Variants in STK32B observed in about 807,000 individuals in gnomAD.
The protein encoded by STK32B is serine/threonine kinase 32B.
Under a neutral mutation model 52.6 loss-of-function variants are expected in STK32B, and 43 were observed. That is an observed-to-expected ratio of 0.82 (90% confidence interval 0.64 to 1.05). The LOEUF (loss-of-function observed/expected upper bound fraction) is 1.05. STK32B is among the 50% of genes least tolerant of loss of function. The probability of loss-of-function intolerance (pLI) is 0.00; values close to 1 mark genes in which losing one functional copy is unlikely to be tolerated. For missense variants in STK32B, 621 were observed against 534.6 expected (o/e 1.16, Z -1.59); for synonymous variants, 238 against 204.3 (o/e 1.17, Z -1.41).
intron 3 of STK32B, among the ~76,000 whole-genome samples, chr4:5,319,366 A>G (rs1731333856): frequency 6.6e-6 from 1 of 152,286 alleles, no homozygotes; most frequent in East Asian, 1.9e-4. Flanking sequence ...TCTCCTGCCT[A>G]AAGCAAAGGT....
intron 3 of STK32B, among the ~76,000 whole-genome samples, chr4:5,192,799 A>G (rs989091757): frequency 2.0e-5 from 3 of 152,134 alleles, no homozygotes; most frequent in Admixed American, 1.3e-4. Flanking sequence ...TGTTGTCACC[A>G]TGCTGTACAT....
chr4:5,139,961 G>A lies in STK32B; in HGVS notation c.108+1G>A. Reference sequence around the variant, plus strand: ...CATTGGTAAAGGGAGTTTTGGAAAGGTAAGAATATAAATGTCTGGACCACT... The same window carrying A: ...CATTGGTAAAGGGAGTTTTGGAAAGATAAGAATATAAATGTCTGGACCACT... On this transcript the variant is annotated splice_donor_variant, in intron 2 of 11. Coordinates refer to ENST00000282908, the MANE Select transcript of STK32B (RefSeq NM_018401.3). LOFTEE classifies it high-confidence loss of function. The A allele has an allele frequency of 1.9e-6, 3 of 1,614,168 alleles. No homozygotes were observed. Among genetic ancestry groups the A allele is most frequent in the South Asian group, 1.1e-5 (1 of 91,072 alleles).
rs1730839114 is a variant in STK32B, at chr4:5,316,682, A to G, written c.261-14538A>G. Among the ~76,000 whole-genome samples, 6 of 2,358 alleles carry G rather than the reference A, an allele frequency of 2.5e-3. 2 individuals are homozygous for G. The highest frequency in any genetic ancestry group is 0.022 in the Admixed American group (2 of 92). The allele number at this position is 2,358 out of a possible 152,430, so 1.5% of individuals were successfully genotyped here. On this transcript the variant is annotated intron_variant, in intron 3 of 11. Coordinates refer to ENST00000282908, the MANE Select transcript of STK32B (RefSeq NM_018401.3). ...ATAATATATATTATATATATAATATAATATAATATATATCATATTATAATA... is the reference window on the plus strand; with the variant it reads ...ATAATATATATTATATATATAATATGATATAATATATATCATATTATAATA...
chr4:5,409,393 T>A (rs1737876687), intron 5 of STK32B, among the ~76,000 whole-genome samples: 1 of 152,056 alleles, frequency 6.6e-6, no homozygotes, highest in South Asian at 2.1e-4. Flanking sequence ...GTGTTACTAA[T>A]TGTGATTAAT....
At chr4:5,153,864 CTATGTT>C (rs997156252) in intron 2 of STK32B, among the ~76,000 whole-genome samples, 8 of 151,988 alleles carry the variant, frequency 5.3e-5, no homozygotes, top group African/African-American at 1.7e-4. Flanking sequence ...ATATAAAAAA[CTATGTT>C]TATGCTTTGG....
intron 3 of STK32B, among the ~76,000 whole-genome samples, chr4:5,322,543 C>T (rs1159409296): frequency 6.6e-6 from 1 of 152,170 alleles, no homozygotes; most frequent in African/African-American, 2.4e-5. Flanking sequence ...TTTTCTGAAT[C>T]CCACAGAGTC....
chr4:5,067,629 C>G (rs779889661), intron 1 of STK32B, among the ~76,000 whole-genome samples: 1 of 151,998 alleles, frequency 6.6e-6, no homozygotes, highest in Non-Finnish European at 1.5e-5. Flanking sequence ...ATAATATGAT[C>G]TTTATTTTTA....
At chr4:5,346,105 T>C (rs1041623762) in intron 4 of STK32B, among the ~76,000 whole-genome samples, 4 of 152,220 alleles carry the variant, frequency 2.6e-5, no homozygotes, top group African/African-American at 9.6e-5. Flanking sequence ...TAACTCCTGA[T>C]ATTTTGACAA....
At chr4:5,154,365 G>A (rs1717620438) in intron 2 of STK32B, among the ~76,000 whole-genome samples, 1 of 152,116 alleles carries the variant, frequency 6.6e-6, no homozygotes, top group Non-Finnish European at 1.5e-5. Context: ...AGAGGCATGT[G>A]CCACCAGGCC....
At chr4:5,421,784 G>T (rs1712672057) in intron 6 of STK32B, among the ~76,000 whole-genome samples, 1 of 152,198 alleles carries the variant, frequency 6.6e-6, no homozygotes, top group African/African-American at 2.4e-5. Context: ...CTCGCTACCT[G>T]CCTGTCTTCA....
chr4:5,414,744 A>C (rs977208745), intron 5 of STK32B, among the ~76,000 whole-genome samples: 3 of 152,252 alleles, frequency 2.0e-5, no homozygotes, highest in Admixed American at 6.5e-5. Context: ...AAGCAAAGAG[A>C]AATCATGGAG....
rs868348755 is a variant in STK32B, at chr4:5,165,872, C to T, written c.109-2427C>T. Among the ~76,000 whole-genome samples the T allele has an allele frequency of 2.6e-5, 4 of 152,318 alleles. No individual in the cohort carries two copies. The Middle Eastern group carries it at 0.01, about 389-fold the overall frequency. ...ACATCTTTTTGGAGATTTCATGCAA[C>T]GTGCTATCTAATACATTGAGATGCA... On this transcript the variant is annotated intron_variant, in intron 2 of 11. Coordinates refer to ENST00000282908, the MANE Select transcript of STK32B (RefSeq NM_018401.3).
At chr4:5,415,952 G>A (rs1712127832) in intron 5 of STK32B, among the ~76,000 whole-genome samples, 1 of 152,124 alleles carries the variant, frequency 6.6e-6, no homozygotes, top group South Asian at 2.1e-4. Flanking sequence ...ACCCATCTAT[G>A]CATTTAAGTC....
intron 3 of STK32B, among the ~76,000 whole-genome samples, chr4:5,188,854 G>T (rs1720952669): frequency 6.7e-6 from 1 of 149,672 alleles, no homozygotes; most frequent in African/African-American, 2.5e-5. Flanking sequence ...CACACACTGG[G>T]GCCTGTCAGG....
At position 5,465,617 on chromosome 4, in the gene STK32B, C is replaced by A. The variant is rs564943985; in HGVS notation, c.910-1086C>A. On this transcript the variant is annotated intron_variant, in intron 9 of 11. Transcript: ENST00000282908. ...GGCATCCACCGTTCTGGAAGCTTGG[C>A]AAACTCTTATCATCTGATCCCTCAA... Among the ~76,000 whole-genome samples, 9 of 152,276 alleles carry A rather than the reference C, an allele frequency of 5.9e-5. 1 individual carries two copies. The South Asian group carries it at 1.5e-3, about 25-fold the overall frequency.
intron 3 of STK32B, among the ~76,000 whole-genome samples, chr4:5,326,823 T>G (rs1731908671): frequency 6.6e-6 from 1 of 152,200 alleles, no homozygotes; most frequent in Admixed American, 6.5e-5. Flanking sequence ...AATGAAGCTT[T>G]CCACGATGAT....
intron 5 of STK32B, among the ~76,000 whole-genome samples, chr4:5,415,381 C>A (rs1432397504): frequency 2.0e-5 from 3 of 152,186 alleles, no homozygotes; most frequent in African/African-American, 7.2e-5. Flanking sequence ...CTACTCCCAA[C>A]AAAGCTGAGG....
intron 1 of STK32B, among the ~76,000 whole-genome samples, chr4:5,081,441 C>G (rs1712423367): frequency 6.6e-6 from 1 of 152,122 alleles, no homozygotes; most frequent in African/African-American, 2.4e-5. Context: ...GCCATTATTT[C>G]TTTAAATGAG....
At chr4:5,137,535 CTT>C (rs145674866) in intron 1 of STK32B, among the ~76,000 whole-genome samples, 110,420 of 152,018 alleles carry the variant, frequency 0.73, 44,099 homozygotes, top group Non-Finnish European at 0.88. Context: ...AGAGCTAGCA[CTT>C]TTTGAAAGGT....
Sources: allele counts gnomAD v4.1 joint callset (sites outside exome capture counted in the v4.1 genomes callset), GRCh38; gene constraint gnomAD v4.1.1; transcripts MANE v1.5; gene names NCBI Gene and HGNC (gene_info 2026-07-23, HGNC 2026-07-21).